TAFA5: variants seen among roughly 807,000 people sequenced by gnomAD.
The protein encoded by TAFA5 is TAFA chemokine like family member 5.
Under a neutral mutation model 15.3 loss-of-function variants are expected in TAFA5, and 6 were observed. That is an observed-to-expected ratio of 0.39 (90% CI 0.21 to 0.77). The LOEUF (loss-of-function observed/expected upper bound fraction) is 0.77. TAFA5 is among the 30% of genes least tolerant of loss of function. TAFA5 has a pLI of 0.41. For missense variants in TAFA5, 161 were observed against 193.1 expected, an observed-to-expected ratio of 0.83 and a Z score of 0.98; for synonymous variants, 103 against 80.7, an observed-to-expected ratio of 1.28 and a Z score of -1.48.
intron 1 of TAFA5, among the ~76,000 whole-genome samples, chr22:48,641,564 C>G (rs1926677728): frequency 6.7e-6 from 1 of 149,882 alleles, no homozygotes; most frequent in South Asian, 2.2e-4. Flanking sequence ...CGATGCCCTC[C>G]CCTTCCCCCT....
At chr22:48,663,320 A>G (rs1927508653) in intron 2 of TAFA5, among the ~76,000 whole-genome samples, 3 of 147,678 alleles carry the variant, frequency 2.0e-5, no homozygotes, top group African/African-American at 7.7e-5. Flanking sequence ...GAGGGGCCAC[A>G]TTGGGGTTAA....
intron 2 of TAFA5, among the ~76,000 whole-genome samples, chr22:48,651,881 C>G (rs1468911935): frequency 1.3e-5 from 2 of 152,102 alleles, no homozygotes; most frequent in African/African-American, 4.8e-5. Flanking sequence ...CCTGTCCTTG[C>G]TGTGGGGATG....
At chr22:48,511,936 T>A (rs1157626400) in intron 1 of TAFA5, among the ~76,000 whole-genome samples, 1 of 152,208 alleles carries the variant, frequency 6.6e-6, no homozygotes. Context: ...TGGGGAACGG[T>A]GCGCTCACTC....
intron 3 of TAFA5, among the ~76,000 whole-genome samples, chr22:48,721,759 A>C (rs113148686): frequency 0.056 from 8,483 of 152,240 alleles, 629 homozygotes; most frequent in African/African-American, 0.17. Context: ...ACTTGAAGTC[A>C]GGGGTTCGAA....
At chr22:48,509,916 A>G (rs1418623700) in intron 1 of TAFA5, among the ~76,000 whole-genome samples, 1 of 150,638 alleles carries the variant, frequency 6.6e-6, no homozygotes, top group African/African-American at 2.4e-5. Flanking sequence ...ACGCCACTGC[A>G]CTCCAGCCTG....
At chr22:48,591,095 G>T (rs1307517359) in intron 1 of TAFA5, among the ~76,000 whole-genome samples, 4 of 152,114 alleles carry the variant, frequency 2.6e-5, no homozygotes, top group African/African-American at 4.8e-5. Context: ...CAGGTGATCC[G>T]CCCGCCTCGG....
At position 48,489,991 on chromosome 22, in the gene TAFA5, C is replaced by T. The variant is rs1433928183; in HGVS notation, c.112+287C>T. ...CCAGGCCCCGGGTGGCGCGGCCCGTCCCTGCCCGGCGGTCGGAGCCCAGCC... is the reference window on the plus strand; with the variant it reads ...CCAGGCCCCGGGTGGCGCGGCCCGTTCCTGCCCGGCGGTCGGAGCCCAGCC... On this transcript the variant is annotated intron_variant, in intron 1 of 3. Transcript: ENST00000402357. The surrounding 1 kb of genome is among the most constrained non-coding windows in gnomAD (Gnocchi z 5.5). 6.6e-6 allele frequency among the ~76,000 whole-genome samples: 1 copy of T among 151,862 alleles called. No homozygotes were observed.
At position 48,598,273 on chromosome 22, in the gene TAFA5, G is replaced by A. The variant is rs1924842707; in HGVS notation, c.113-48324G>A. Among the ~76,000 whole-genome samples, 1 of 152,148 alleles carries A rather than the reference G, an allele frequency of 6.6e-6. No individual in the cohort carries two copies. The highest frequency in any genetic ancestry group is 2.4e-5 in the African/African-American group (1 of 41,434). Reference sequence around the variant, plus strand: ...TGCTTTATTCAAAATCACCGATTCAGGCGTTACTCTCATCCAAAACACTCC... The same window carrying A: ...TGCTTTATTCAAAATCACCGATTCAAGCGTTACTCTCATCCAAAACACTCC... On this transcript the variant is annotated intron_variant, in intron 1 of 3. Transcript: ENST00000402357. This position sits in a 1 kb window ranked among gnomAD's most constrained non-coding sequence, Gnocchi z 4.0.
chr22:48,708,163 T>C (rs547543907), intron 3 of TAFA5, among the ~76,000 whole-genome samples: 1 of 152,296 alleles, frequency 6.6e-6, no homozygotes, highest in African/African-American at 2.4e-5. Context: ...TTTCCGGGAC[T>C]GATGTGCCCG....
chr22:48,539,539 C>T, intron 1 of TAFA5: 1 of 464,470 alleles, frequency 2.2e-6, no homozygotes, highest in South Asian at 1.6e-5. Context: ...CAACTTTTCT[C>T]TTCCCACTTT....
chr22:48,602,758 A>G (rs1925021558), intron 1 of TAFA5, among the ~76,000 whole-genome samples: 2 of 152,100 alleles, frequency 1.3e-5, no homozygotes, highest in Non-Finnish European at 1.5e-5. Context: ...GCTGGTGTCC[A>G]GTGAACACCT....
At chr22:48,648,744 T>C (rs5771878) in intron 2 of TAFA5, among the ~76,000 whole-genome samples, 113,910 of 151,968 alleles carry the variant, frequency 0.75, 42,851 homozygotes, top group African/African-American at 0.79. Flanking sequence ...CAGAGAATTG[T>C]TTGAACCCGG....
In TAFA5 at chr22:48,489,696, C is replaced by T. The variant is rs1418370656; in HGVS notation, c.104C>T (p.Ala35Val). The T allele has an allele frequency of 2.0e-6, 3 of 1,502,484 alleles. No homozygotes were observed. Among genetic ancestry groups the T allele is most frequent in the African/African-American group, 1.4e-5 (1 of 69,078 alleles). The allele number at this position is 1,502,484 out of a possible 1,614,324, so 93.1% of individuals were successfully genotyped here. The change falls in exon 1 of 4, where the codon GCC (alanine) becomes GTC (valine). Residue 35 changes from alanine (A) to valine (V), a missense_variant. By Grantham distance (64) the Ala-to-Val change is moderately conservative. Transcript: ENST00000402357. The surrounding 1 kb of genome is among the most constrained non-coding windows in gnomAD (Gnocchi z 5.5). Reference sequence around the variant, plus strand: ...ATGATCCTGGCCAGCCTGCTCATCGCCTACTGCAGTGAGTACCGCGCGGCC... The same window carrying T: ...ATGATCCTGGCCAGCCTGCTCATCGTCTACTGCAGTGAGTACCGCGCGGCC... The part of the protein sequence containing the change: ...AFMILASLLI[A>V]YCSQLAAGTC...
intron 1 of TAFA5, among the ~76,000 whole-genome samples, chr22:48,570,181 G>A (rs544644032): frequency 1.4e-3 from 211 of 152,308 alleles, no homozygotes; most frequent in African/African-American, 4.9e-3. Flanking sequence ...TCCCTGCCTC[G>A]TGGTCTGTGA....
At chr22:48,654,060 C>T (rs1303405435) in intron 2 of TAFA5, among the ~76,000 whole-genome samples, 3 of 151,816 alleles carry the variant, frequency 2.0e-5, no homozygotes, top group Admixed American at 1.3e-4. Flanking sequence ...CATGTCCCGT[C>T]ACGTCGGCAC....
chr22:48,543,632 G>C (rs1025528607), intron 1 of TAFA5: 1 of 152,698 alleles, frequency 6.5e-6, no homozygotes, highest in Non-Finnish European at 1.5e-5. Context: ...CACCTCACTG[G>C]AGGCCTCCCC....
chr22:48,592,432 C>G (rs1263647067), intron 1 of TAFA5, among the ~76,000 whole-genome samples: 1 of 152,240 alleles, frequency 6.6e-6, no homozygotes, highest in Non-Finnish European at 1.5e-5. Flanking sequence ...GTGGGAGCCA[C>G]TACAGGCAGG....
chr22:48,619,887 G>A (rs962188000), intron 1 of TAFA5, among the ~76,000 whole-genome samples: 8 of 152,208 alleles, frequency 5.3e-5, no homozygotes, highest in Non-Finnish European at 1.0e-4. Context: ...TCTGCTCCCC[G>A]AGCTTCCTGC....
chr22:48,733,611 G>A (rs538402732), intron 3 of TAFA5, among the ~76,000 whole-genome samples: 1 of 152,306 alleles, frequency 6.6e-6, no homozygotes, highest in Non-Finnish European at 1.5e-5. Context: ...GAAATGCCTT[G>A]GAAACTAATA....
Sources: allele counts gnomAD v4.1 joint callset (sites outside exome capture counted in the v4.1 genomes callset), GRCh38; gene constraint gnomAD v4.1.1; non-coding constraint Gnocchi (gnomAD v3.1); transcripts MANE v1.5; gene names NCBI Gene and HGNC (gene_info 2026-07-23, HGNC 2026-07-21).